TRHDE: variants seen among roughly 807,000 people sequenced by gnomAD.
TRHDE encodes thyrotropin-releasing hormone-degrading ectoenzyme.
Under a neutral mutation model 125.7 loss-of-function variants are expected in TRHDE, and 72 were observed. The observed-to-expected ratio is 0.57, with a 90% CI of 0.47 to 0.70. The LOEUF is 0.70. TRHDE is among the 30% of genes least tolerant of loss of function. The pLI, the probability that TRHDE is intolerant of heterozygous loss-of-function variation, is 0.00. For synonymous variants in TRHDE, 509 were observed against 509.1 expected, an observed-to-expected ratio of 1.00 and a Z score of 0.00; for missense variants, 1,110 against 1,327.1, an observed-to-expected ratio of 0.84 and a Z score of 2.54.
At chr12:72,135,945 A>G (rs934282425) in intron 2 of TRHDE, among the ~76,000 whole-genome samples, 4 of 151,800 alleles carry the variant, frequency 2.6e-5, no homozygotes, top group Admixed American at 1.3e-4. Flanking sequence ...TTTCCTGGAG[A>G]CATCTGCTCT....
At chr12:72,201,489 A>G (rs1699893561) in intron 2 of TRHDE, among the ~76,000 whole-genome samples, 2 of 152,204 alleles carry the variant, frequency 1.3e-5, no homozygotes, top group Admixed American at 1.3e-4. Context: ...ACAAGAGGTG[A>G]CTTGAGGACC....
At chr12:72,365,625 T>C (rs915505327) in intron 2 of TRHDE, among the ~76,000 whole-genome samples, 1 of 152,036 alleles carries the variant, frequency 6.6e-6, no homozygotes, top group African/African-American at 2.4e-5. Context: ...TTCACAGCTG[T>C]GAAGAATTAT....
intron 7 of TRHDE, among the ~76,000 whole-genome samples, chr12:72,546,206 T>C (rs1869410660): frequency 6.6e-6 from 1 of 151,714 alleles, no homozygotes. Flanking sequence ...CCACTCAGAA[T>C]TTTAAATCAT....
In TRHDE at chr12:72,664,301, A is replaced by G. The variant is rs1875032354; in HGVS notation, c.*1106A>G. 6.6e-6 allele frequency: 1 copy of G among 152,464 alleles called. No individual in the cohort carries two copies. Among genetic ancestry groups the G allele is most frequent in the Non-Finnish European group, 1.5e-5 (1 of 68,008 alleles). The allele number at this position is 152,464 out of a possible 1,614,324, so 9.4% of individuals were successfully genotyped here. ...CTACCTTATGCTGAGTAGTCCAGAGAGTTAAAAAAATTCTCTGCATGTTGG... is the reference window on the plus strand; with the variant it reads ...CTACCTTATGCTGAGTAGTCCAGAGGGTTAAAAAAATTCTCTGCATGTTGG... On this transcript the variant is annotated 3_prime_UTR_variant, in exon 19 of 19. Coordinates refer to ENST00000261180, the MANE Select transcript of TRHDE (RefSeq NM_013381.3).
chr12:72,366,545 A>G (rs754548640), intron 2 of TRHDE, among the ~76,000 whole-genome samples: 15 of 152,012 alleles, frequency 9.9e-5, no homozygotes, highest in Non-Finnish European at 1.9e-4. Context: ...GTCAGTCCCT[A>G]TTGGGTGCAA....
In TRHDE at chr12:72,377,981, A is replaced by G. The variant is rs373462848; in HGVS notation, c.1189-14A>G. On this transcript the variant is annotated splice_polypyrimidine_tract_variant and intron_variant, in intron 2 of 18. Coordinates refer to ENST00000261180, the MANE Select transcript of TRHDE (RefSeq NM_013381.3). ...TAAAAGGCTAAAGTAACTTTTATAT[A>G]TATTTTTAATTAGGTACGATTATAT... 1 of 1,547,784 alleles carries G rather than the reference A, an allele frequency of 6.5e-7. No homozygotes were observed. Among genetic ancestry groups the G allele is most frequent in the Non-Finnish European group, 8.7e-7 (1 of 1,151,934 alleles).
intron 6 of TRHDE, among the ~76,000 whole-genome samples, chr12:72,531,811 G>T (rs975287678): frequency 1.3e-5 from 2 of 151,934 alleles, no homozygotes; most frequent in African/African-American, 4.8e-5. Flanking sequence ...CCTTGATCTG[G>T]TCCCTAGTTT....
intron 3 of TRHDE, among the ~76,000 whole-genome samples, chr12:72,410,480 T>C (rs1873448596): frequency 6.6e-6 from 1 of 152,106 alleles, no homozygotes; most frequent in South Asian, 2.1e-4. Flanking sequence ...TTTATGAACA[T>C]TGATAAAAAT....
intron 1 of TRHDE, among the ~76,000 whole-genome samples, chr12:72,275,525 A>C (rs150398804): frequency 1.6e-4 from 24 of 152,354 alleles, no homozygotes; most frequent in African/African-American, 5.8e-4. Context: ...GGGGAAAGGC[A>C]TAGAAAACAA....
At chr12:72,271,865 A>G (rs931819471), upstream of TRHDE, 28 of 453,776 alleles carry the variant, frequency 6.2e-5, no homozygotes, top group Non-Finnish European at 1.2e-4. Context: ...CTCACTTGTC[A>G]TCTCCGGAGG....
chr12:72,335,993 G>A (rs1047500793), intron 2 of TRHDE, among the ~76,000 whole-genome samples: 4 of 152,166 alleles, frequency 2.6e-5, no homozygotes, highest in African/African-American at 9.7e-5. Context: ...GATGATTTTT[G>A]TTAGACATAA....
At chr12:72,516,655 G>T (rs1213651964) in intron 6 of TRHDE, among the ~76,000 whole-genome samples, 4 of 151,358 alleles carry the variant, frequency 2.6e-5, no homozygotes, top group East Asian at 3.9e-4. Flanking sequence ...CTGCCTAATT[G>T]CCCTGGCCAG....
chr12:72,287,577 G>GACACACACACACAC (rs10606890), intron 2 of TRHDE, among the ~76,000 whole-genome samples: 2 of 147,794 alleles, frequency 1.4e-5, no homozygotes, highest in African/African-American at 4.9e-5. Flanking sequence ...TCTATGTATA[G>GACACACACACACAC]ACACACACAC....
intron 12 of TRHDE, among the ~76,000 whole-genome samples, chr12:72,615,017 A>AG (rs1274559014): frequency 6.6e-6 from 1 of 152,116 alleles, no homozygotes; most frequent in African/African-American, 2.4e-5. Context: ...AAGGGAGGGA[A>AG]GGATATATGT....
chr12:72,295,791 AT>A (rs11375680), intron 2 of TRHDE, among the ~76,000 whole-genome samples: 26,081 of 150,972 alleles, frequency 0.17, 2,337 homozygotes, highest in Middle Eastern at 0.32. Context: ...CATGTATTCT[AT>A]TTTTTTTTTA....
intron 2 of TRHDE, among the ~76,000 whole-genome samples, chr12:72,211,075 G>C (rs1041289729): frequency 2.6e-5 from 4 of 152,108 alleles, no homozygotes; most frequent in African/African-American, 7.2e-5. Context: ...CACTTAAAGG[G>C]AACTCAATGA....
At chr12:72,343,402 GA>G (rs1263294749) in intron 2 of TRHDE, among the ~76,000 whole-genome samples, 2 of 151,824 alleles carry the variant, frequency 1.3e-5, no homozygotes, top group African/African-American at 2.4e-5. Flanking sequence ...ACATTTGATT[GA>G]AAAAAATATG....
intron 3 of TRHDE, among the ~76,000 whole-genome samples, chr12:72,445,936 G>A (rs1394082799): frequency 6.6e-6 from 1 of 151,830 alleles, no homozygotes; most frequent in Non-Finnish European, 1.5e-5. Flanking sequence ...TGGTTGGTTA[G>A]GGATGAAGGT....
chr12:72,350,078 C>T (rs994337115), intron 2 of TRHDE, among the ~76,000 whole-genome samples: 1 of 151,922 alleles, frequency 6.6e-6, no homozygotes, highest in African/African-American at 2.4e-5. Flanking sequence ...CTACAATTTA[C>T]TCCTTCCTCT....
Sources: allele counts gnomAD v4.1 joint callset (sites outside exome capture counted in the v4.1 genomes callset), GRCh38; gene constraint gnomAD v4.1.1; transcripts MANE v1.5; gene names NCBI Gene and HGNC (gene_info 2026-07-23, HGNC 2026-07-21).